Variants in ETFA observed in about 807,000 individuals in gnomAD.
ETFA encodes the protein electron transfer flavoprotein subunit alpha, mitochondrial.
A neutral mutation model predicts 46.2 loss-of-function variants in ETFA; 22 were observed. The ratio of observed to expected loss-of-function variants is 0.48; its 90% confidence interval spans 0.34 to 0.68. ETFA has a LOEUF of 0.68. Among genes scored for constraint, ETFA ranks in the 30% least tolerant of loss-of-function variants. The pLI is 0.01. For synonymous variants in ETFA, 131 were observed against 139.9 expected (o/e 0.94, Z 0.45); for missense variants, 345 against 401.1 (o/e 0.86, Z 1.19).
At chr15:76,268,819 G>A (rs1156327083) in intron 9 of ETFA, among the ~76,000 whole-genome samples, 1 of 152,206 alleles carries the variant, frequency 6.6e-6, no homozygotes, top group Non-Finnish European at 1.5e-5. Context: ...ATTAAGAGCT[G>A]CACAGCCTGC....
intron 9 of ETFA, among the ~76,000 whole-genome samples, chr15:76,268,399 T>A (rs2039495086): frequency 6.6e-6 from 1 of 152,026 alleles, no homozygotes; most frequent in African/African-American, 2.4e-5. Flanking sequence ...TCAATCTGAA[T>A]ACGAAGACGG....
chr15:76,244,095 G>C (rs1379521490), intron 9 of ETFA, among the ~76,000 whole-genome samples: 1 of 152,076 alleles, frequency 6.6e-6, no homozygotes. Flanking sequence ...ATGTTGGTCA[G>C]GCTGGTCTCG....
intron 1 of ETFA, among the ~76,000 whole-genome samples, chr15:76,303,026 C>G (rs1284309128): frequency 6.6e-6 from 1 of 152,074 alleles, no homozygotes; most frequent in East Asian, 1.9e-4. Flanking sequence ...AAACTTCTGC[C>G]AGGTGCAGTG....
intron 9 of ETFA, among the ~76,000 whole-genome samples, chr15:76,266,291 G>A (rs975568026): frequency 7.9e-5 from 12 of 152,116 alleles, no homozygotes; most frequent in African/African-American, 2.4e-4. Context: ...TACTGTTCCC[G>A]CCATAAATAA....
At position 76,266,902 on chromosome 15, in the gene ETFA, T is replaced by TAA. The variant is rs34822609; in HGVS notation, c.816+7508_816+7509dup. On this transcript the variant is annotated intron_variant, in intron 9 of 11. Transcript: ENST00000557943. Reference sequence around the variant, plus strand: ...CTGGGCGACAAAGCGAGACTCCGTTTAAAAAAAAAAAAAATTCAAATTTGA... The same window carrying TAA: ...CTGGGCGACAAAGCGAGACTCCGTTTAAAAAAAAAAAAAAAATTCAAATTTGA... Among the ~76,000 whole-genome samples the TAA allele has an allele frequency of 1.6e-3, 230 of 147,190 alleles. 2 individuals are homozygous for TAA. Among genetic ancestry groups the TAA allele is most frequent in the Non-Finnish European group, 1.9e-3 (128 of 66,566 alleles).
intron 4 of ETFA, among the ~76,000 whole-genome samples, chr15:76,290,734 G>T (rs762644418): frequency 1.3e-5 from 2 of 152,094 alleles, no homozygotes; most frequent in Non-Finnish European, 2.9e-5. Flanking sequence ...TACATGTACT[G>T]TAATTTAAAA....
intron 2 of ETFA, among the ~76,000 whole-genome samples, chr15:76,293,044 A>T (rs1286345545): frequency 6.6e-6 from 1 of 152,166 alleles, no homozygotes; most frequent in Non-Finnish European, 1.5e-5. Flanking sequence ...GACTGAGGCA[A>T]GAGAATGGCT....
intron 1 of ETFA, among the ~76,000 whole-genome samples, chr15:76,297,368 T>A (rs2039835077): frequency 1.3e-5 from 2 of 151,228 alleles, no homozygotes; most frequent in Admixed American, 6.6e-5. Context: ...AAATAAATAA[T>A]TAAATAAAAT....
intron 11 of ETFA, among the ~76,000 whole-genome samples, chr15:76,219,370 C>G (rs762074504): frequency 1.3e-5 from 2 of 152,086 alleles, no homozygotes; most frequent in African/African-American, 4.8e-5. Context: ...AACCATAAAA[C>G]TCTTATAAGA....
intron 9 of ETFA, among the ~76,000 whole-genome samples, chr15:76,246,534 A>G (rs1044820053): frequency 3.3e-5 from 5 of 152,178 alleles, no homozygotes; most frequent in African/African-American, 7.2e-5. Context: ...AGCTAACACA[A>G]TAAGAAAAGA....
intron 9 of ETFA, 127 bp from the exon 10 acceptor site, chr15:76,231,525 G>A (rs950945094): frequency 6.6e-6 from 4 of 603,546 alleles, no homozygotes; most frequent in Non-Finnish European, 1.2e-5. Flanking sequence ...AAAATGTATT[G>A]CTTAAATTAT....
chr15:76,271,901 ATG>A (rs1018815769), intron 9 of ETFA, among the ~76,000 whole-genome samples: 2 of 132,532 alleles, frequency 1.5e-5, no homozygotes, highest in East Asian at 4.9e-4. Context: ...ATATGCGTAT[ATG>A]TGTGTGTATA....
chr15:76,291,321 T>C (rs974079048), intron 4 of ETFA, among the ~76,000 whole-genome samples: 4 of 151,456 alleles, frequency 2.6e-5, no homozygotes, highest in African/African-American at 4.9e-5. Context: ...CACGCACCTA[T>C]AATCCCAGCT....
rs986055007 is a variant in ETFA at position 76,259,289 on chromosome 15, C to T, written c.816+15123G>A. 1.2e-5 allele frequency: 19 copies of T among 1,578,716 alleles called. No homozygotes were observed. The African/African-American group carries it at 2.0e-4, about 17-fold the overall frequency. ...TGGCGGATAGCACAGACAGCTGGCC[C>T]AGAATGTTCTCCAGTTCCATTCGCA... On this transcript the variant is annotated intron_variant, in intron 9 of 11. Transcript: ENST00000557943.
intron 4 of ETFA, among the ~76,000 whole-genome samples, chr15:76,291,695 G>A (rs1368246125): frequency 6.6e-6 from 1 of 150,890 alleles, no homozygotes; most frequent in African/African-American, 2.4e-5. Context: ...AGCCTGCAGT[G>A]AGCCGAGATG....
intron 1 of ETFA, among the ~76,000 whole-genome samples, chr15:76,310,513 G>T (rs1596231868): frequency 6.6e-6 from 1 of 151,812 alleles, no homozygotes; most frequent in East Asian, 1.9e-4. Flanking sequence ...ATTGTTACTT[G>T]ACTTGTGACT....
chr15:76,233,626 C>G (rs991083406), intron 9 of ETFA, among the ~76,000 whole-genome samples: 10 of 152,132 alleles, frequency 6.6e-5, no homozygotes, highest in Admixed American at 6.6e-4. Flanking sequence ...CGGCGCCCAG[C>G]CTTCAATAGG....
At chr15:76,284,628 C>T (rs2039688663) in intron 7 of ETFA, among the ~76,000 whole-genome samples, 1 of 151,806 alleles carries the variant, frequency 6.6e-6, no homozygotes, top group South Asian at 2.1e-4. Context: ...GTAGCTGGGA[C>T]TACTGGCATC....
intron 9 of ETFA, among the ~76,000 whole-genome samples, chr15:76,252,715 T>C (rs1038633869): frequency 1.3e-5 from 2 of 152,074 alleles, no homozygotes; most frequent in African/African-American, 4.8e-5. Flanking sequence ...AAATAAAAAA[T>C]TGGAATCAGA....
Sources: allele counts gnomAD v4.1 joint callset (sites outside exome capture counted in the v4.1 genomes callset), GRCh38; gene constraint gnomAD v4.1.1; transcripts MANE v1.5; gene names NCBI Gene and HGNC (gene_info 2026-07-23, HGNC 2026-07-21).